CACNB2: variants seen among roughly 807,000 people sequenced by gnomAD.
The protein encoded by CACNB2 is voltage-dependent L-type calcium channel subunit beta-2.
A neutral mutation model predicts 73.3 loss-of-function variants in CACNB2; 42 were observed. The observed-to-expected ratio is 0.57, with a 90% CI of 0.45 to 0.74. The LOEUF is 0.74. CACNB2 is among the 30% of genes least tolerant of loss of function. The pLI, the probability that CACNB2 is intolerant of heterozygous loss-of-function variation, is 0.00. For synonymous variants in CACNB2, 348 were observed against 310.3 expected (o/e 1.12, Z -1.28); for missense variants, 940 against 853.0 (o/e 1.10, Z -1.27).
chr10:18,158,696 C>G (rs1318321618), intron 2 of CACNB2, among the ~76,000 whole-genome samples: 2 of 152,132 alleles, frequency 1.3e-5, no homozygotes, highest in Non-Finnish European at 2.9e-5. Context: ...AAAAAAATCT[C>G]TAAGTTTAGT....
intron 4 of CACNB2, chr10:18,498,728 G>C: frequency 2.1e-6 from 1 of 476,658 alleles, no homozygotes; most frequent in South Asian, 2.1e-5. Flanking sequence ...ATTGGGAACT[G>C]CTAGAGTAGA....
chr10:18,159,451 A>G (rs1221700252), intron 2 of CACNB2, among the ~76,000 whole-genome samples: 1 of 152,198 alleles, frequency 6.6e-6, no homozygotes, highest in Non-Finnish European at 1.5e-5. Context: ...GCTCACCAAC[A>G]TATGCTGTGG....
At chr10:18,189,731 A>T (rs957613970) in intron 2 of CACNB2, among the ~76,000 whole-genome samples, 3 of 152,196 alleles carry the variant, frequency 2.0e-5, no homozygotes. Context: ...ATTTTTCAGC[A>T]TTAACAGTGT....
chr10:18,151,455 C>A (rs967494101), intron 2 of CACNB2, among the ~76,000 whole-genome samples: 7 of 152,100 alleles, frequency 4.6e-5, no homozygotes, highest in Non-Finnish European at 8.8e-5. Flanking sequence ...TGCAGTATCA[C>A]TGAGACATAA....
chr10:18,282,258 G>T (rs540956320), intron 2 of CACNB2, among the ~76,000 whole-genome samples: 3 of 152,280 alleles, frequency 2.0e-5, no homozygotes, highest in African/African-American at 7.2e-5. Flanking sequence ...AGAGTCCCAT[G>T]GCTTAGGTTT....
intron 2 of CACNB2, among the ~76,000 whole-genome samples, chr10:18,318,396 T>G (rs1017471769): frequency 2.0e-5 from 3 of 152,212 alleles, no homozygotes. Context: ...ATTTAATAAT[T>G]GGTGCTGGGA....
intron 2 of CACNB2, among the ~76,000 whole-genome samples, chr10:18,239,870 G>A (rs966907774): frequency 2.0e-5 from 3 of 152,074 alleles, no homozygotes; most frequent in African/African-American, 4.8e-5. Context: ...TTTCAAATAA[G>A]AGCTTGTGAA....
intron 2 of CACNB2, among the ~76,000 whole-genome samples, chr10:18,220,160 C>G (rs71491146): frequency 6.4e-5 from 5 of 78,514 alleles, no homozygotes; most frequent in East Asian, 3.2e-4. Flanking sequence ...TATATACACA[C>G]ACACACACAC....
chr10:18,359,143 G>A (rs1046685949), intron 2 of CACNB2, among the ~76,000 whole-genome samples: 5 of 151,878 alleles, frequency 3.3e-5, no homozygotes, highest in Admixed American at 6.6e-5. Context: ...GTTATTTAGG[G>A]ACCTATTTTG....
At chr10:18,396,691 G>A (rs557894956) in intron 2 of CACNB2, among the ~76,000 whole-genome samples, 22 of 152,206 alleles carry the variant, frequency 1.4e-4, no homozygotes, top group African/African-American at 3.8e-4. Context: ...GGCTGGTCTC[G>A]AACTCCTGAC....
At chr10:18,267,051 C>G (rs1027296869) in intron 2 of CACNB2, among the ~76,000 whole-genome samples, 1 of 151,780 alleles carries the variant, frequency 6.6e-6, no homozygotes, top group Non-Finnish European at 1.5e-5. Context: ...TATCTGTCTC[C>G]TTAAATCACT....
At chr10:18,268,413 C>A (rs1490676208) in intron 2 of CACNB2, among the ~76,000 whole-genome samples, 1 of 151,972 alleles carries the variant, frequency 6.6e-6, no homozygotes, top group Non-Finnish European at 1.5e-5. Context: ...GGTATACCAC[C>A]TATAGTAGGA....
chr10:18,274,059 C>G (rs1481722765), intron 2 of CACNB2, among the ~76,000 whole-genome samples: 4 of 152,170 alleles, frequency 2.6e-5, no homozygotes, highest in Admixed American at 2.6e-4. Context: ...GGGGGTCCTA[C>G]TAACCTCTAA....
chr10:18,527,140 G>GT (rs1324472819), intron 9 of CACNB2, among the ~76,000 whole-genome samples: 2 of 152,046 alleles, frequency 1.3e-5, no homozygotes, highest in African/African-American at 4.8e-5. Flanking sequence ...CAGCACTTTG[G>GT]AAGGCCGAGG....
chr10:18,512,251 TAA>T (rs1254769997), intron 6 of CACNB2, among the ~76,000 whole-genome samples: 1 of 152,190 alleles, frequency 6.6e-6, no homozygotes, highest in Non-Finnish European at 1.5e-5. Context: ...CCTCTTTTGT[TAA>T]ACCCAGTGGC....
At chr10:18,477,956 C>T (rs565428210) in intron 3 of CACNB2, among the ~76,000 whole-genome samples, 4 of 152,138 alleles carry the variant, frequency 2.6e-5, no homozygotes, top group South Asian at 2.1e-4. Context: ...TTGTTTGAGA[C>T]GGAGTTTCAC....
chr10:18,539,908 G>C lies in CACNB2; in HGVS notation c.*184G>C. The stretch of plus-strand genomic sequence containing the variant: ...AGAGTATTGAGATACTTTTTCTTTT[G>C]TAAGTGCTACATAAATTGGCCTGGT... On this transcript the variant is annotated 3_prime_UTR_variant, in exon 14 of 14. Coordinates refer to ENST00000324631, the MANE Select transcript of CACNB2 (RefSeq NM_201596.3). 4 of 690,408 alleles carry C rather than the reference G, an allele frequency of 5.8e-6. No individual in the cohort carries two copies. Among genetic ancestry groups the C allele is most frequent in the Non-Finnish European group, 7.0e-6 (3 of 430,498 alleles). 42.8% of individuals were successfully genotyped at this position (690,408 alleles called of 1,614,324 possible). A position where few individuals can be genotyped will look rare whatever the true frequency, so the allele number is the denominator to read the frequency against.
chr10:18,345,619 C>T (rs920278369), intron 2 of CACNB2, among the ~76,000 whole-genome samples: 1 of 152,178 alleles, frequency 6.6e-6, no homozygotes, highest in Non-Finnish European at 1.5e-5. Flanking sequence ...CAAAAACAAT[C>T]CTTACAGAAT....
At chr10:18,487,526 G>C (rs1227945909) in intron 3 of CACNB2, among the ~76,000 whole-genome samples, 1 of 152,098 alleles carries the variant, frequency 6.6e-6, no homozygotes, top group Non-Finnish European at 1.5e-5. Flanking sequence ...GGTCTCTTCA[G>C]CAGCCTTCTC....
Sources: gnomAD v4.1 joint callset for allele counts (sites outside exome capture counted in the v4.1 genomes callset) on GRCh38, gnomAD v4.1.1 for gene constraint, MANE v1.5 for transcripts, NCBI Gene and HGNC (gene_info 2026-07-23, HGNC 2026-07-21) for gene names.